The following ZNF385B variants were observed in gnomAD, a reference collection of about 807,000 sequenced individuals.
ZNF385B encodes zinc finger protein 533.
ZNF385B carries 23 observed loss-of-function variants against 39.2 expected under a neutral mutation model. That is an observed-to-expected ratio of 0.59 (90% confidence interval 0.42 to 0.83). ZNF385B has a LOEUF of 0.83. ZNF385B is among the 40% of genes least tolerant of loss of function. The pLI, the probability that ZNF385B is intolerant of heterozygous loss-of-function variation, is 0.00. For synonymous variants in ZNF385B, 205 were observed against 222.6 expected (o/e 0.92, Z 0.70); for missense variants, 552 against 598.9 (o/e 0.92, Z 0.82).
chr2:179,667,919 T>G (rs1231091247), intron 3 of ZNF385B, among the ~76,000 whole-genome samples: 1 of 152,226 alleles, frequency 6.6e-6, no homozygotes, highest in Non-Finnish European at 1.5e-5. Flanking sequence ...CACTGTTGTA[T>G]TCTCAAAACA....
At chr2:179,566,941 G>A (rs1304681745) in intron 3 of ZNF385B, among the ~76,000 whole-genome samples, 5 of 146,300 alleles carry the variant, frequency 3.4e-5, no homozygotes, top group Non-Finnish European at 7.5e-5. Flanking sequence ...TTGAGACGGG[G>A]TCTCACTCTG....
chr2:179,739,309 C>T (rs1017513902), intron 3 of ZNF385B, among the ~76,000 whole-genome samples: 2 of 152,108 alleles, frequency 1.3e-5, no homozygotes, highest in Non-Finnish European at 2.9e-5. Flanking sequence ...TGATCTGATG[C>T]GGTATATAGG....
intron 1 of ZNF385B, among the ~76,000 whole-genome samples, chr2:179,784,896 T>C (rs940957617): frequency 2.8e-4 from 43 of 152,110 alleles, no homozygotes; most frequent in Admixed American, 2.0e-4. Context: ...GCTAAGCATA[T>C]GTATCCTCTA....
At chr2:179,455,869 G>A (rs1422630643) in intron 6 of ZNF385B, among the ~76,000 whole-genome samples, 2 of 124,972 alleles carry the variant, frequency 1.6e-5, no homozygotes, top group Non-Finnish European at 3.3e-5. Context: ...GATAGAGCGA[G>A]ACTGCATCTC....
intron 1 of ZNF385B, among the ~76,000 whole-genome samples, chr2:179,786,645 C>T (rs970951278): frequency 6.6e-6 from 1 of 151,834 alleles, no homozygotes; most frequent in Non-Finnish European, 1.5e-5. Context: ...CCTAAAACCA[C>T]TTCATCTTCC....
intron 3 of ZNF385B, among the ~76,000 whole-genome samples, chr2:179,589,902 T>C (rs1687407770): frequency 6.6e-6 from 1 of 152,250 alleles, no homozygotes; most frequent in Non-Finnish European, 1.5e-5. Flanking sequence ...AATTTTTCTT[T>C]TGTGAGGCAG....
At chr2:179,745,451 AG>A (rs968623918) in intron 3 of ZNF385B, among the ~76,000 whole-genome samples, 2 of 152,202 alleles carry the variant, frequency 1.3e-5, no homozygotes, top group African/African-American at 4.8e-5. Context: ...TAAAATGCAA[AG>A]GAAGTCACCT....
intron 3 of ZNF385B, among the ~76,000 whole-genome samples, chr2:179,741,537 C>A (rs1702087294): frequency 6.6e-6 from 1 of 152,088 alleles, no homozygotes; most frequent in Non-Finnish European, 1.5e-5. Flanking sequence ...GAGTAACATT[C>A]AGATCCAGGA....
intron 3 of ZNF385B, among the ~76,000 whole-genome samples, chr2:179,738,784 T>C (rs1280822030): frequency 6.6e-6 from 1 of 152,220 alleles, no homozygotes; most frequent in East Asian, 1.9e-4. Flanking sequence ...CCCAGTTTGA[T>C]AACATCTACA....
chr2:179,710,073 T>C (rs772310581), intron 3 of ZNF385B, among the ~76,000 whole-genome samples: 4 of 152,094 alleles, frequency 2.6e-5, no homozygotes, highest in East Asian at 1.9e-4. Context: ...GTGGGGCTGA[T>C]TGAATGGATG....
At chr2:179,767,829 C>T (rs1703792560) in intron 3 of ZNF385B, among the ~76,000 whole-genome samples, 1 of 151,270 alleles carries the variant, frequency 6.6e-6, no homozygotes, top group Non-Finnish European at 1.5e-5. Context: ...ACATTTACAC[C>T]ATAACAGATG....
At chr2:179,562,952 T>C (rs1294506093) in intron 3 of ZNF385B, among the ~76,000 whole-genome samples, 10 of 152,282 alleles carry the variant, frequency 6.6e-5, no homozygotes, top group African/African-American at 2.2e-4. Context: ...AAACTTTATT[T>C]ATATTCTGTT....
At chr2:179,804,071 C>G (rs1483715213) in intron 1 of ZNF385B, among the ~76,000 whole-genome samples, 1 of 152,168 alleles carries the variant, frequency 6.6e-6, no homozygotes, top group Non-Finnish European at 1.5e-5. Flanking sequence ...CCCTGTTCTG[C>G]TTATCATCAT....
chr2:179,518,470 A>G lies in ZNF385B; in HGVS notation c.552+58T>C, dbSNP rs551751465. On this transcript the variant is annotated intron_variant, in intron 5 of 9. Coordinates refer to ENST00000410066, the MANE Select transcript of ZNF385B (RefSeq NM_152520.6). ...AATATGAAGAAATGTACGTATTTAG[A>G]TCAATCAGACTTTTAGCTCTGACAA... 4.1e-6 allele frequency: 5 copies of G among 1,212,180 alleles called. No individual in the cohort carries two copies. The Admixed American group carries it at 6.4e-5, about 15-fold the overall frequency. 75.1% of individuals were successfully genotyped at this position (1,212,180 alleles called of 1,614,324 possible). A position where few individuals can be genotyped will look rare whatever the true frequency, so the allele number is the denominator to read the frequency against.
intron 3 of ZNF385B, among the ~76,000 whole-genome samples, chr2:179,661,394 C>T (rs1339053081): frequency 6.6e-6 from 1 of 152,172 alleles, no homozygotes; most frequent in Non-Finnish European, 1.5e-5. Context: ...TGAGCCATGC[C>T]ACTAGCATCC....
intron 3 of ZNF385B, among the ~76,000 whole-genome samples, chr2:179,575,477 C>T (rs1288475055): frequency 6.6e-6 from 1 of 151,914 alleles, no homozygotes; most frequent in Non-Finnish European, 1.5e-5. Flanking sequence ...ATGTTAAAAC[C>T]AGATTGAGAA....
intron 1 of ZNF385B, among the ~76,000 whole-genome samples, chr2:179,809,222 T>C (rs1455736294): frequency 6.6e-6 from 1 of 152,168 alleles, no homozygotes; most frequent in African/African-American, 2.4e-5. Flanking sequence ...TAATCTAATC[T>C]GAGATTCAGT....
chr2:179,802,298 T>C (rs1262985197), intron 1 of ZNF385B, among the ~76,000 whole-genome samples: 1 of 152,130 alleles, frequency 6.6e-6, no homozygotes, highest in Non-Finnish European at 1.5e-5. Context: ...TCATTTTAAA[T>C]CATCCATTTA....
intron 3 of ZNF385B, among the ~76,000 whole-genome samples, chr2:179,760,053 T>TA (rs1457844058): frequency 9.1e-4 from 137 of 151,208 alleles, no homozygotes; most frequent in African/African-American, 3.2e-3. Context: ...AGTAAAAATT[T>TA]TTTTTTTTTT....
Sources: gnomAD v4.1 joint callset for allele counts (sites outside exome capture counted in the v4.1 genomes callset) on GRCh38, gnomAD v4.1.1 for gene constraint, MANE v1.5 for transcripts, NCBI Gene and HGNC (gene_info 2026-07-23, HGNC 2026-07-21) for gene names.